Variants in PLCB1 observed in about 807,000 individuals in gnomAD.
PLCB1 encodes 1-phosphatidylinositol 4,5-bisphosphate phosphodiesterase beta-1.
A neutral mutation model predicts 161.8 loss-of-function variants in PLCB1; 46 were observed. The observed-to-expected ratio is 0.28, with a 90% CI of 0.22 to 0.36. The LOEUF (loss-of-function observed/expected upper bound fraction) is 0.36. Among genes scored for constraint, PLCB1 ranks in the 10% least tolerant of loss-of-function variants. The pLI, the probability that PLCB1 is intolerant of heterozygous loss-of-function variation, is 1.00. For missense variants in PLCB1, 1,016 were observed against 1,472.5 expected (o/e 0.69, Z 5.07); for synonymous variants, 517 against 503.7 (o/e 1.03, Z -0.35).
rs897234159 is a variant in PLCB1, at chr20:8,709,144, G to A, written c.1250+392G>A. ...TCCACTTCATCACTTTGTGGCAGGT[G>A]GGGGGAGAGCTGTGAATTCCATTTT... On this transcript the variant is annotated intron_variant, in intron 12 of 31. Transcript: ENST00000338037. Among the ~76,000 whole-genome samples the A allele has an allele frequency of 9.2e-5, 14 of 152,200 alleles. No homozygotes were observed. In the South Asian group the frequency reaches 1.7e-3, roughly 18 times the overall value.
Position 8,180,867 on chromosome 20 carries a change from A to G in PLCB1, c.177+30496A>G, listed in dbSNP as rs565628246. Among the ~76,000 whole-genome samples, 5 of 152,278 alleles carry G rather than the reference A, an allele frequency of 3.3e-5. No individual in the cohort carries two copies. The East Asian group carries it at 9.7e-4, about 29-fold the overall frequency. On this transcript the variant is annotated intron_variant, in intron 2 of 31. Transcript: ENST00000338037. ...ATGTGTGAATAATTAATGCCACAGG[A>G]AATACTTATGAGACATTAAATTTAA...
chr20:8,626,764 C>G (rs1474339206), intron 3 of PLCB1, among the ~76,000 whole-genome samples: 6 of 152,178 alleles, frequency 3.9e-5, no homozygotes, highest in Non-Finnish European at 8.8e-5. Context: ...AAGAACCCCA[C>G]AAAATTACAA....
intron 2 of PLCB1, among the ~76,000 whole-genome samples, chr20:8,354,221 G>T (rs1489406778): frequency 1.3e-5 from 2 of 152,050 alleles, no homozygotes; most frequent in Non-Finnish European, 2.9e-5. Context: ...ACTTAAAAAT[G>T]ATTAAAATTG....
At chr20:8,631,126 C>T (rs1276238466) in intron 4 of PLCB1, among the ~76,000 whole-genome samples, 3 of 152,206 alleles carry the variant, frequency 2.0e-5, no homozygotes, top group African/African-American at 4.8e-5. Flanking sequence ...TGGAGCATCA[C>T]GTATCACAGT....
chr20:8,884,282 A>C lies in PLCB1; in HGVS notation c.*2433A>C, dbSNP rs1988097024. The C allele has an allele frequency of 6.6e-6, 1 of 152,602 alleles. No homozygotes were observed. Among genetic ancestry groups the C allele is most frequent in the African/African-American group, 2.4e-5 (1 of 41,434 alleles). The allele number at this position is 152,602 out of a possible 1,614,324, so 9.5% of individuals were successfully genotyped here. ...ATATTACTTGAAATAGACTAAGATA[A>C]AGAAAAGGGGTCTGTATGATGTGCA... On this transcript the variant is annotated 3_prime_UTR_variant, in exon 32 of 32. Coordinates refer to ENST00000338037, the MANE Select transcript of PLCB1 (RefSeq NM_015192.4).
chr20:8,265,454 G>A (rs1178858517), intron 2 of PLCB1, among the ~76,000 whole-genome samples: 2 of 152,076 alleles, frequency 1.3e-5, no homozygotes, highest in Non-Finnish European at 2.9e-5. Flanking sequence ...ATGTCTAACT[G>A]AACACATTTT....
rs7265253 is a variant in PLCB1, at chr20:8,520,071, A to G, written c.247-108223A>G. Among the ~76,000 whole-genome samples the G allele has an allele frequency of 9.4e-3, 1,437 of 152,322 alleles. 34 individuals carry two copies. Among genetic ancestry groups the G allele is most frequent in the African/African-American group, 0.033 (1,382 of 41,574 alleles). Reference sequence around the variant, plus strand: ...TGGCAGGCCCAGAAAAAAGCTACTTAGAAAATCACACTTAGGTGACAGAAT... The same window carrying G: ...TGGCAGGCCCAGAAAAAAGCTACTTGGAAAATCACACTTAGGTGACAGAAT... On this transcript the variant is annotated intron_variant, in intron 3 of 31. Coordinates refer to ENST00000338037, the MANE Select transcript of PLCB1 (RefSeq NM_015192.4).
chr20:8,166,860 A>T, intron 2 of PLCB1, among the ~76,000 whole-genome samples: 1 of 152,032 alleles, frequency 6.6e-6, no homozygotes, highest in East Asian at 1.9e-4. Flanking sequence ...TCTGCTTGGA[A>T]CACATGTTTT....
intron 3 of PLCB1, among the ~76,000 whole-genome samples, chr20:8,455,856 C>T (rs1689917533): frequency 6.6e-6 from 1 of 152,150 alleles, no homozygotes; most frequent in Non-Finnish European, 1.5e-5. Context: ...TTTCCTATAT[C>T]CTCCATAGGC....
chr20:8,475,383 G>A (rs1325007304), intron 3 of PLCB1, among the ~76,000 whole-genome samples: 3 of 151,966 alleles, frequency 2.0e-5, no homozygotes, highest in African/African-American at 7.3e-5. Context: ...CCTGTGGGTT[G>A]GAGACCAACC....
At chr20:8,461,272 G>A (rs895637675) in intron 3 of PLCB1, among the ~76,000 whole-genome samples, 58 of 152,058 alleles carry the variant, frequency 3.8e-4, no homozygotes, top group Non-Finnish European at 2.5e-4. Context: ...CTATTAAGAG[G>A]TCTAGTCTGC....
intron 2 of PLCB1, among the ~76,000 whole-genome samples, chr20:8,225,973 T>A (rs904431671): frequency 6.6e-6 from 1 of 152,210 alleles, no homozygotes; most frequent in East Asian, 1.9e-4. Context: ...GCCTTCTTAT[T>A]TGTAACCTGT....
intron 2 of PLCB1, among the ~76,000 whole-genome samples, chr20:8,152,617 A>T (rs573283867): frequency 2.3e-4 from 35 of 152,250 alleles, no homozygotes; most frequent in African/African-American, 7.7e-4. Flanking sequence ...CATGTACCAT[A>T]GAGATAATCT....
intron 11 of PLCB1, among the ~76,000 whole-genome samples, chr20:8,707,693 G>A (rs1171359125): frequency 5.9e-5 from 9 of 152,256 alleles, no homozygotes; most frequent in Non-Finnish European, 4.4e-5. Context: ...AAAAAATGAA[G>A]CTGTTCTCTG....
intron 3 of PLCB1, among the ~76,000 whole-genome samples, chr20:8,458,044 C>T (rs946858628): frequency 2.0e-5 from 3 of 152,172 alleles, no homozygotes; most frequent in African/African-American, 7.2e-5. Context: ...AAACAAAGAG[C>T]AGGTTCCAGG....
At position 8,132,622 on chromosome 20, in the gene PLCB1, C is replaced by T; in HGVS notation, c.-30C>T. 3 of 1,549,590 alleles carry T rather than the reference C, an allele frequency of 1.9e-6. No homozygotes were observed. The highest frequency in any genetic ancestry group is 2.6e-6 in the Non-Finnish European group (3 of 1,134,644). On this transcript the variant is annotated 5_prime_UTR_variant, in exon 1 of 32. Coordinates refer to ENST00000338037, the MANE Select transcript of PLCB1 (RefSeq NM_015192.4). This position sits in a 1 kb window ranked among gnomAD's most constrained non-coding sequence, Gnocchi z 5.2. ...GGTCCCCAGTCCCTGCCGCGCTCGC[C>T]CGGGCCGCCCGGAGCCCAGATGAGC...
chr20:8,425,134 T>TTG (rs199823682), intron 3 of PLCB1, among the ~76,000 whole-genome samples: 14 of 151,064 alleles, frequency 9.3e-5, no homozygotes, highest in Admixed American at 5.3e-4. Flanking sequence ...TGAGGTGTTT[T>TTG]TTTTTTTTTT....
chr20:8,382,170 G>A (rs1011613530), intron 3 of PLCB1, among the ~76,000 whole-genome samples: 1 of 151,838 alleles, frequency 6.6e-6, no homozygotes, highest in Admixed American at 6.6e-5. Context: ...GTTCTCATTG[G>A]TTTCAAAGAA....
chr20:8,285,720 G>A (rs147096444), intron 2 of PLCB1, among the ~76,000 whole-genome samples: 2 of 152,178 alleles, frequency 1.3e-5, no homozygotes, highest in African/African-American at 4.8e-5. Flanking sequence ...TAGTTTACTT[G>A]GGTAGCTGCT....
Sources: allele counts gnomAD v4.1 joint callset (sites outside exome capture counted in the v4.1 genomes callset), GRCh38; gene constraint gnomAD v4.1.1; non-coding constraint Gnocchi (gnomAD v3.1); transcripts MANE v1.5; gene names NCBI Gene and HGNC (gene_info 2026-07-23, HGNC 2026-07-21).